Variants in PRKN observed in about 807,000 individuals in gnomAD.
The protein encoded by PRKN is E3 ubiquitin-protein ligase parkin.
A neutral mutation model predicts 59.5 loss-of-function variants in PRKN; 56 were observed. The observed-to-expected ratio is 0.94, with a 90% CI of 0.76 to 1.18. PRKN has a LOEUF of 1.18. Ranked by LOEUF, PRKN falls within the 50% of genes most tolerant of loss-of-function variation. The probability of loss-of-function intolerance (pLI) is 0.00; values close to 1 mark genes in which losing one functional copy is unlikely to be tolerated. For missense variants in PRKN, 657 were observed against 596.4 expected (o/e 1.10, Z -1.06); for synonymous variants, 250 against 222.1 (o/e 1.13, Z -1.12).
intron 6 of PRKN, among the ~76,000 whole-genome samples, chr6:161,898,315 G>C (rs1777738417): frequency 6.6e-6 from 1 of 152,176 alleles, no homozygotes. Flanking sequence ...ATGCATATAA[G>C]GTAGAAGGGA....
intron 1 of PRKN, among the ~76,000 whole-genome samples, chr6:162,567,829 C>G (rs1780146101): frequency 6.6e-6 from 1 of 152,150 alleles, no homozygotes; most frequent in Admixed American, 6.5e-5. Context: ...GCAAAAGGAA[C>G]AAAACTGAAG....
At chr6:162,244,643 G>C (rs989462827) in intron 3 of PRKN, among the ~76,000 whole-genome samples, 1 of 151,560 alleles carries the variant, frequency 6.6e-6, no homozygotes, top group African/African-American at 2.4e-5. Context: ...ATTACTCAAA[G>C]ATTTTACCAA....
intron 1 of PRKN, 150 bp from the exon 2 acceptor site, chr6:162,443,623 C>A: frequency 1.3e-6 from 1 of 753,260 alleles, no homozygotes; most frequent in Non-Finnish European, 2.3e-6. Flanking sequence ...AAACTTAATG[C>A]TATAGAGCAA....
At chr6:162,606,248 A>C (rs566421768) in intron 1 of PRKN, among the ~76,000 whole-genome samples, 37 of 152,316 alleles carry the variant, frequency 2.4e-4, no homozygotes, top group Non-Finnish European at 5.0e-4. Context: ...AAATACCCTA[A>C]GTTGAAAGTG....
chr6:161,397,464 C>G lies in PRKN; in HGVS notation c.1084-10587G>C, dbSNP rs1247710298. On this transcript the variant is annotated intron_variant, in intron 9 of 11. Coordinates refer to ENST00000366898, the MANE Select transcript of PRKN (RefSeq NM_004562.3). This position sits in a 1 kb window ranked among gnomAD's most constrained non-coding sequence, Gnocchi z 4.2. ...TGTTTTTCTGCCCTTCACATTTGCC[C>G]CTTCAGGGAGCATTCTAACATCAAG... is the stretch of plus-strand genomic sequence containing the variant. 2.0e-5 allele frequency among the ~76,000 whole-genome samples: 3 copies of G among 152,146 alleles called. No homozygotes were observed.
chr6:162,710,374 A>ACACAC (rs1778486499), intron 1 of PRKN, among the ~76,000 whole-genome samples: 1 of 125,242 alleles, frequency 8.0e-6, no homozygotes, highest in African/African-American at 3.4e-5. Context: ...ACCCCCTACA[A>ACACAC]ACACACACAC....
intron 1 of PRKN, among the ~76,000 whole-genome samples, chr6:162,548,109 G>C (rs1460943522): frequency 6.6e-6 from 1 of 152,030 alleles, no homozygotes; most frequent in Non-Finnish European, 1.5e-5. Flanking sequence ...CACCAGGCTC[G>C]TGTGCAGTGG....
Position 162,285,153 on chromosome 6 carries a change from C to T in PRKN, c.172-22388G>A, listed in dbSNP as rs1238653399. ...ATAAACATATTATTTATTTAAGCCA[C>T]CCAGTCTGTAGTGAAGGTTCATTTT... On this transcript the variant is annotated intron_variant, in intron 2 of 11. Transcript: ENST00000366898. Among the ~76,000 whole-genome samples, 6 of 152,084 alleles carry T rather than the reference C, an allele frequency of 3.9e-5. No homozygotes were observed. In the East Asian group the frequency reaches 1.2e-3, roughly 29 times the overall value.
At chr6:162,573,102 T>C (rs1053750195) in intron 1 of PRKN, among the ~76,000 whole-genome samples, 15 of 152,230 alleles carry the variant, frequency 9.9e-5, no homozygotes, top group African/African-American at 3.6e-4. Flanking sequence ...TTTTTCACTT[T>C]CTGGGTGCTC....
At position 161,530,995 on chromosome 6, in the gene PRKN, T is replaced by G. The variant is rs1420181006; in HGVS notation, c.1083+17859A>C. On this transcript the variant is annotated intron_variant, in intron 9 of 11. Coordinates refer to ENST00000366898, the MANE Select transcript of PRKN (RefSeq NM_004562.3). The surrounding 1 kb of genome is among the most constrained non-coding windows in gnomAD (Gnocchi z 5.0). ...ACTACCTACGGGATATTTTATTGCT[T>G]CAAACAGAACATAGCACTCCACCAT... Among the ~76,000 whole-genome samples, 1 of 152,218 alleles carries G rather than the reference T, an allele frequency of 6.6e-6. No individual in the cohort carries two copies. Among genetic ancestry groups the G allele is most frequent in the Non-Finnish European group, 1.5e-5 (1 of 68,038 alleles).
intron 7 of PRKN, among the ~76,000 whole-genome samples, chr6:161,603,137 T>C (rs1782163749): frequency 6.6e-6 from 1 of 152,182 alleles, no homozygotes; most frequent in African/African-American, 2.4e-5. Context: ...GCAACAGTGC[T>C]AAATTGCCGA....
chr6:162,342,291 C>A (rs1156341377), intron 2 of PRKN, among the ~76,000 whole-genome samples: 1 of 152,086 alleles, frequency 6.6e-6, no homozygotes. Flanking sequence ...TACATGATTG[C>A]AATATAGTTT....
chr6:161,670,172 C>T (rs535884952), intron 7 of PRKN, among the ~76,000 whole-genome samples: 16 of 152,228 alleles, frequency 1.1e-4, no homozygotes, highest in Non-Finnish European at 1.5e-4. Context: ...AGTGACTCTC[C>T]GGGTACTATC....
chr6:162,420,308 T>G (rs78077130), intron 2 of PRKN, among the ~76,000 whole-genome samples: 2 of 152,056 alleles, frequency 1.3e-5, no homozygotes. Context: ...TAAAATACCA[T>G]AGCCTGAGAT....
At chr6:161,678,970 T>A (rs1453979080) in intron 7 of PRKN, among the ~76,000 whole-genome samples, 3 of 152,074 alleles carry the variant, frequency 2.0e-5, no homozygotes, top group African/African-American at 7.2e-5. Context: ...CCAGGAGAAG[T>A]GAATTGAGCT....
At chr6:162,139,119 C>T (rs1263992884) in intron 4 of PRKN, among the ~76,000 whole-genome samples, 1 of 152,150 alleles carries the variant, frequency 6.6e-6, no homozygotes, top group Non-Finnish European at 1.5e-5. Flanking sequence ...TAATGAAACT[C>T]AATTTGACAC....
intron 1 of PRKN, among the ~76,000 whole-genome samples, chr6:162,450,671 G>A (rs1208070481): frequency 2.0e-5 from 3 of 152,086 alleles, no homozygotes; most frequent in Non-Finnish European, 4.4e-5. Flanking sequence ...GCAATTGAGG[G>A]ACGTTGTAAA....
At position 162,612,623 on chromosome 6, in the gene PRKN, A is replaced by C. The variant is rs532269410; in HGVS notation, c.7+115039T>G. 2.0e-5 allele frequency among the ~76,000 whole-genome samples: 3 copies of C among 151,620 alleles called. No homozygotes were observed. The South Asian group carries it at 6.2e-4, about 32-fold the overall frequency. ...AAAAAAAAAAAAAAAAAAAAACAGC[A>C]AAAAACAAAACCAAACCAAAACGTT... On this transcript the variant is annotated intron_variant, in intron 1 of 11. Transcript: ENST00000366898.
chr6:162,083,682 T>C (rs1343834234), intron 4 of PRKN, among the ~76,000 whole-genome samples: 1 of 146,846 alleles, frequency 6.8e-6, no homozygotes, highest in Non-Finnish European at 1.5e-5. Context: ...ACTTCTCTTT[T>C]TAGGAATTAA....
Sources: gnomAD v4.1 joint callset for allele counts (sites outside exome capture counted in the v4.1 genomes callset) on GRCh38, gnomAD v4.1.1 for gene constraint, Gnocchi (gnomAD v3.1) non-coding constraint, MANE v1.5 for transcripts, NCBI Gene and HGNC (gene_info 2026-07-23, HGNC 2026-07-21) for gene names.